SLC38A10: variants seen among roughly 807,000 people sequenced by gnomAD.
SLC38A10 encodes the protein Sodium-coupled neutral amino acid transporter 10.
In SLC38A10, 53 loss-of-function variants were observed where a neutral mutation model predicts 81.0. The ratio of observed to expected loss-of-function variants is 0.65; its 90% confidence interval spans 0.53 to 0.82. The LOEUF (loss-of-function observed/expected upper bound fraction) is 0.82, where lower values mean the gene tolerates loss of function less well. SLC38A10 is among the 40% of genes least tolerant of loss of function. SLC38A10 has a pLI of 0.00. For synonymous variants in SLC38A10, 665 were observed against 655.3 expected (o/e 1.01, Z -0.23); for missense variants, 1,471 against 1,545.0 (o/e 0.95, Z 0.80).
intron 8 of SLC38A10, among the ~76,000 whole-genome samples, chr17:81,274,517 T>C (rs913580581): frequency 2.0e-5 from 3 of 152,154 alleles, no homozygotes; most frequent in Non-Finnish European, 4.4e-5. Context: ...GAGTTCCAGC[T>C]GAAGGGACAT....
At chr17:81,271,163 G>GC (rs1236434543) in intron 9 of SLC38A10, 139 bp from the exon 10 acceptor site, 4 of 674,296 alleles carry the variant, frequency 5.9e-6, no homozygotes, top group Middle Eastern at 2.6e-4. Context: ...GAGCAGAGAC[G>GC]CCCTCTGTGC....
intron 13 of SLC38A10, 123 bp downstream of exon 13, chr17:81,252,072 C>T: frequency 7.3e-7 from 1 of 1,377,844 alleles, no homozygotes; most frequent in Admixed American, 2.5e-5. Flanking sequence ...CATTTGCATG[C>T]TAATCTGGTG....
intron 9 of SLC38A10, among the ~76,000 whole-genome samples, chr17:81,271,277 C>A (rs1403588299): frequency 6.6e-6 from 1 of 152,234 alleles, no homozygotes. Context: ...CTAGGGACCT[C>A]CTGCCGAAAC....
intron 6 of SLC38A10, chr17:81,279,829 G>A (rs1189669129): frequency 1.7e-5 from 3 of 172,216 alleles, no homozygotes; most frequent in East Asian, 1.8e-4. Flanking sequence ...AGACTGGGGC[G>A]CGTTCTGGTG....
chr17:81,284,840 C>A lies in SLC38A10; in HGVS notation c.263+10G>T, dbSNP rs772916622. 1.5e-6 allele frequency: 2 copies of A among 1,334,856 alleles called. No homozygotes were observed. The highest frequency in any genetic ancestry group is 1.3e-5 in the South Asian group (1 of 79,034). 82.7% of individuals were successfully genotyped at this position (1,334,856 alleles called of 1,614,324 possible). Reference sequence around the variant, plus strand: ...GTGGGGGGCAAGCGCAGCGGCAGGGCGGGGCTTACCTGGTCTCCACCAGCA... The same window carrying A: ...GTGGGGGGCAAGCGCAGCGGCAGGGAGGGGCTTACCTGGTCTCCACCAGCA... On this transcript the variant is annotated intron_variant, in intron 3 of 15. Transcript: ENST00000374759.
In SLC38A10 at chr17:81,245,350, T is replaced by C. The variant is rs2062838241; in HGVS notation, c.*206A>G. On this transcript the variant is annotated 3_prime_UTR_variant, in exon 16 of 16. Coordinates refer to ENST00000374759, the MANE Select transcript of SLC38A10 (RefSeq NM_001037984.3). ...GGTCAGAGGACCTCAGACTAAGAGC[T>C]GCAACAGAACGACAGCAAGAACATT... The C allele has an allele frequency of 1.6e-6, 1 of 628,188 alleles. No individual in the cohort carries two copies. The highest frequency in any genetic ancestry group is 1.9e-5 in the African/African-American group (1 of 52,950). The allele number at this position is 628,188 out of a possible 1,614,324, so 38.9% of individuals were successfully genotyped here. A position where few individuals can be genotyped will look rare whatever the true frequency, so the allele number is the denominator to read the frequency against.
intron 11 of SLC38A10, among the ~76,000 whole-genome samples, chr17:81,254,683 T>G (rs1598383110): frequency 6.6e-6 from 1 of 152,188 alleles, no homozygotes; most frequent in East Asian, 1.9e-4. Flanking sequence ...TGACCTCAAG[T>G]GATCCACCCG....
chr17:81,251,614 T>C lies in SLC38A10; in HGVS notation c.1946-2A>G, dbSNP rs779561059. On this transcript the variant is annotated splice_acceptor_variant, in intron 13 of 15. Transcript: ENST00000374759. LOFTEE classifies it high-confidence loss of function. ...CCGCTGGGAGGGGAGGCTTCCCACC[T>C]GCACACACGGTGAAGACTCAGAAGG... The C allele has an allele frequency of 6.7e-7, 1 of 1,486,004 alleles. No individual in the cohort carries two copies. Among genetic ancestry groups the C allele is most frequent in the Non-Finnish European group, 8.9e-7 (1 of 1,126,308 alleles). 92.1% of individuals were successfully genotyped at this position (1,486,004 alleles called of 1,614,324 possible). A position where few individuals can be genotyped will look rare whatever the true frequency, so the allele number is the denominator to read the frequency against.
rs1401292143 is a variant in SLC38A10, at chr17:81,286,015, G to A, written c.218-1120C>T. The stretch of plus-strand genomic sequence containing the variant: ...ACCCCTTGAGTTCATCCCACAACAC[G>A]GAAACCCGAGCCAGGCCCCAGAAGC... On this transcript the variant is annotated intron_variant, in intron 2 of 15. Transcript: ENST00000374759. The surrounding 1 kb of genome is among the most constrained non-coding windows in gnomAD (Gnocchi z 6.0). Among the ~76,000 whole-genome samples the A allele has an allele frequency of 2.6e-5, 4 of 151,900 alleles. No homozygotes were observed. Among genetic ancestry groups the A allele is most frequent in the African/African-American group, 4.8e-5 (2 of 41,332 alleles).
rs1238012777 is a variant in SLC38A10, at chr17:81,265,862, A to G, written c.1131+5056T>C. Among the ~76,000 whole-genome samples, 1 of 152,182 alleles carries G rather than the reference A, an allele frequency of 6.6e-6. No homozygotes were observed. The highest frequency in any genetic ancestry group is 2.4e-5 in the African/African-American group (1 of 41,450). On this transcript the variant is annotated intron_variant, in intron 10 of 15. Transcript: ENST00000374759. The surrounding 1 kb of genome is among the most constrained non-coding windows in gnomAD (Gnocchi z 4.2). ...CTGCGGAGCCGTAGGAGCGCTGGGG[A>G]CAGGACGCACCAGACCCAAGTCAGA...
rs1029087470 is a variant in SLC38A10, at chr17:81,286,395, C to T, written c.218-1500G>A. Among the ~76,000 whole-genome samples, 1 of 152,186 alleles carries T rather than the reference C, an allele frequency of 6.6e-6. No individual in the cohort carries two copies. Among genetic ancestry groups the T allele is most frequent in the Admixed American group, 6.5e-5 (1 of 15,282 alleles). On this transcript the variant is annotated intron_variant, in intron 2 of 15. Transcript: ENST00000374759. The surrounding 1 kb of genome is among the most constrained non-coding windows in gnomAD (Gnocchi z 6.0). ...AGGACAACGTCCTGAGAGCCCACCA[C>T]GCTGAGACACGGCCCCACGCGCCTT...
chr17:81,254,190 C>T (rs1358022137), intron 11 of SLC38A10, among the ~76,000 whole-genome samples: 2 of 152,100 alleles, frequency 1.3e-5, no homozygotes, highest in East Asian at 3.8e-4. Context: ...AGGAAGAATT[C>T]ACACAGAGTC....
Position 81,252,256 on chromosome 17 carries a change from C to T in SLC38A10, c.1884G>A (p.Gly628=). 6.3e-7 allele frequency: 1 copy of T among 1,580,198 alleles called. No homozygotes were observed. Among genetic ancestry groups the T allele is most frequent in the South Asian group, 1.1e-5 (1 of 87,616 alleles). ...LAVGGGEKAK[G]GPPPGNAAGD... ...CGGCGGCGTTGCCTGGCGGCGGTCC[C>T]CCCTTGGCCTTTTCCCCTCCACCCA... The change falls in exon 13 of 16, where the codon GGG becomes GGA. Residue 628 remains glycine (G), a synonymous_variant. Transcript: ENST00000374759.
At chr17:81,260,203 C>T (rs764635117) in intron 11 of SLC38A10, 35 bp downstream of exon 11, 2 of 1,570,954 alleles carry the variant, frequency 1.3e-6, no homozygotes, top group South Asian at 1.2e-5. Context: ...TGGGCACTTG[C>T]CCTGAGAAGG....
chr17:81,280,995 C>A (rs753364153), intron 5 of SLC38A10, among the ~76,000 whole-genome samples: 17 of 152,238 alleles, frequency 1.1e-4, no homozygotes, highest in Admixed American at 2.6e-4. Context: ...GCTGCTCTTG[C>A]AAGGGGGCTG....
Position 81,252,475 on chromosome 17 carries a change from T to C in SLC38A10, c.1665A>G (p.Gly555=). 3 of 1,613,280 alleles carry C rather than the reference T, an allele frequency of 1.9e-6. No homozygotes were observed. Among genetic ancestry groups the C allele is most frequent in the Non-Finnish European group, 2.5e-6 (3 of 1,179,970 alleles). The change falls in exon 13 of 16, where the codon GGA becomes GGG. Residue 555 remains glycine (G), a synonymous_variant. Transcript: ENST00000374759. ...CCTGTCCAGGCCTCTTCCCAACCTC[T>C]CCCTGCTCCGGCTCTTGTTTCTCTC... ...SEREKQEPEQ[G]EVGKRPGQAQ...
chr17:81,277,265 G>T lies in SLC38A10; in HGVS notation c.627-132C>A, dbSNP rs1186094288. On this transcript the variant is annotated intron_variant, in intron 6 of 15. Transcript: ENST00000374759. This position sits in a 1 kb window ranked among gnomAD's most constrained non-coding sequence, Gnocchi z 4.5. The stretch of plus-strand genomic sequence containing the variant: ...CTTCATGCAACATTCTCTGCACACT[G>T]GAAGTCCCAGCGCTGAGGCCAGGAC... The T allele has an allele frequency of 3.9e-6, 3 of 777,506 alleles. No individual in the cohort carries two copies. The highest frequency in any genetic ancestry group is 4.2e-6 in the Non-Finnish European group (2 of 471,640). The allele number at this position is 777,506 out of a possible 1,614,324, so 48.2% of individuals were successfully genotyped here. A position where few individuals can be genotyped will look rare whatever the true frequency, so the allele number is the denominator to read the frequency against.
At position 81,252,589 on chromosome 17, in the gene SLC38A10, T is replaced by C. The variant is rs150473036; in HGVS notation, c.1551A>G (p.Pro517=). The C allele has an allele frequency of 2.2e-5, 36 of 1,613,448 alleles. No individual in the cohort carries two copies. The East Asian group carries it at 5.8e-4, about 26-fold the overall frequency. ...VVDEGQDREV[P]EENKPPSRHA... is the part of the protein sequence containing the mutation. ...GTCTGGATGGAGGTTTGTTCTCTTC[T>C]GGCACCTCTCGGTCTTGGCCTTCAT... is the stretch of plus-strand genomic sequence containing the variant. Residue 517 remains proline (P), a synonymous_variant, in exon 13 of 16, where the codon CCA becomes CCG. Coordinates refer to ENST00000374759, the MANE Select transcript of SLC38A10 (RefSeq NM_001037984.3).
Position 81,283,391 on chromosome 17 carries a change from C to T in SLC38A10, c.357+18G>A. On this transcript the variant is annotated intron_variant, in intron 4 of 15. Transcript: ENST00000374759. This position sits in a 1 kb window ranked among gnomAD's most constrained non-coding sequence, Gnocchi z 4.7. Reference sequence around the variant, plus strand: ...CCGTCAGCATCTGAACAACCCAGAACCCTGAACACATCCTTACCTGAAACC... The same window carrying T: ...CCGTCAGCATCTGAACAACCCAGAATCCTGAACACATCCTTACCTGAAACC... 1 of 1,608,242 alleles carries T rather than the reference C, an allele frequency of 6.2e-7. No homozygotes were observed. Among genetic ancestry groups the T allele is most frequent in the Admixed American group, 1.7e-5 (1 of 59,572 alleles).
Sources: gnomAD v4.1 joint callset for allele counts (sites outside exome capture counted in the v4.1 genomes callset) on GRCh38, gnomAD v4.1.1 for gene constraint, Gnocchi (gnomAD v3.1) non-coding constraint, MANE v1.5 for transcripts, NCBI Gene and HGNC (gene_info 2026-07-23, HGNC 2026-07-21) for gene names.